The following FBXL2 variants were observed in gnomAD, a reference collection of about 807,000 sequenced individuals.
The protein encoded by FBXL2 is F-box/LRR-repeat protein 2.
FBXL2 carries 38 observed loss-of-function variants against 69.2 expected under a neutral mutation model. The ratio of observed to expected loss-of-function variants is 0.55; its 90% CI spans 0.42 to 0.72. The LOEUF is 0.72. FBXL2 is among the 30% of genes least tolerant of loss of function. FBXL2 has a pLI of 0.00. For synonymous variants in FBXL2, 192 were observed against 201.3 expected, an observed-to-expected ratio of 0.95 and a Z score of 0.39; for missense variants, 354 against 520.3, an observed-to-expected ratio of 0.68 and a Z score of 3.11.
chr3:33,295,541 A>G (rs1302102649), intron 1 of FBXL2, among the ~76,000 whole-genome samples: 4 of 152,342 alleles, frequency 2.6e-5, no homozygotes, highest in African/African-American at 7.2e-5. Context: ...TAATGCTGCT[A>G]TGAACATTCA....
At chr3:33,412,254 T>C in the FBXL2 span, among the ~76,000 whole-genome samples, 2 of 150,470 alleles carry the variant, frequency 1.3e-5, no homozygotes, top group African/African-American at 4.9e-5. Context: ...AAATTCCAGG[T>C]TCACATTAGT....
chr3:33,404,398 C>T (rs561994272), downstream of FBXL2, among the ~76,000 whole-genome samples: 6 of 151,010 alleles, frequency 4.0e-5, no homozygotes, highest in East Asian at 2.0e-4. Flanking sequence ...GGTGACAGAG[C>T]GAGATTCCAT....
chr3:33,333,278 A>G (rs1267112866), intron 2 of FBXL2, among the ~76,000 whole-genome samples: 3 of 152,220 alleles, frequency 2.0e-5, no homozygotes, highest in African/African-American at 7.2e-5. Flanking sequence ...ATTGATAATA[A>G]CTATGTCGAG....
chr3:33,281,664 G>T (rs1282673658), intron 1 of FBXL2, among the ~76,000 whole-genome samples: 1 of 152,174 alleles, frequency 6.6e-6, no homozygotes, highest in East Asian at 1.9e-4. Flanking sequence ...CACACGAACA[G>T]TGTAAAAGTG....
intron 2 of FBXL2, among the ~76,000 whole-genome samples, chr3:33,350,113 T>C (rs1014358787): frequency 6.6e-6 from 1 of 152,090 alleles, no homozygotes; most frequent in African/African-American, 2.4e-5. Flanking sequence ...AAGACCAACA[T>C]TTTTCATAAA....
chr3:33,359,753 C>T (rs757309082), intron 4 of FBXL2, among the ~76,000 whole-genome samples: 4 of 151,628 alleles, frequency 2.6e-5, no homozygotes, highest in Non-Finnish European at 5.9e-5. Flanking sequence ...AAGAGTGAGG[C>T]TGGAGATCTA....
intron 2 of FBXL2, among the ~76,000 whole-genome samples, chr3:33,325,825 G>T (rs1311119391): frequency 6.6e-6 from 1 of 151,934 alleles, no homozygotes. Flanking sequence ...TCATGAATTA[G>T]TAATAGAATA....
the FBXL2 span, among the ~76,000 whole-genome samples, chr3:33,422,655 G>A: frequency 6.6e-6 from 1 of 150,470 alleles, no homozygotes; most frequent in Admixed American, 6.7e-5. Flanking sequence ...AGCCTGGGAG[G>A]TCAAGGCTGC....
intron 2 of FBXL2, among the ~76,000 whole-genome samples, chr3:33,333,970 C>G (rs2039368140): frequency 6.6e-6 from 1 of 151,984 alleles, no homozygotes; most frequent in Admixed American, 6.6e-5. Flanking sequence ...TTGAGCCAAA[C>G]ACAGCTGATC....
intron 12 of FBXL2, chr3:33,393,189 C>T (rs1392682854): frequency 9.4e-7 from 1 of 1,061,464 alleles, no homozygotes; most frequent in African/African-American, 1.7e-5. Flanking sequence ...TGATTCCCAA[C>T]TCTCTGAAAA....
chr3:33,413,460 T>C, the FBXL2 span, among the ~76,000 whole-genome samples: 1 of 143,946 alleles, frequency 6.9e-6, no homozygotes, highest in Admixed American at 7.5e-5. Context: ...GGCAGAAGAA[T>C]GGTGTGAACC....
At chr3:33,312,921 G>A (rs2037338208) in intron 2 of FBXL2, among the ~76,000 whole-genome samples, 1 of 151,970 alleles carries the variant, frequency 6.6e-6, no homozygotes, top group African/African-American at 2.4e-5. Context: ...AGGAGTTTGA[G>A]ACCAGCCTGG....
At chr3:33,312,054 T>C (rs2037253371) in intron 2 of FBXL2, among the ~76,000 whole-genome samples, 1 of 152,192 alleles carries the variant, frequency 6.6e-6, no homozygotes, top group Admixed American at 6.6e-5. Context: ...CTATTTTTTA[T>C]TCTTTTTTTA....
the FBXL2 span, chr3:33,408,860 C>A: frequency 7.4e-7 from 1 of 1,360,160 alleles, no homozygotes; most frequent in South Asian, 1.2e-5. Flanking sequence ...ATCTAACACC[C>A]TGTTTCATGT....
intron 2 of FBXL2, among the ~76,000 whole-genome samples, chr3:33,319,697 A>G (rs1327726976): frequency 2.0e-5 from 3 of 152,230 alleles, no homozygotes; most frequent in African/African-American, 7.2e-5. Flanking sequence ...AAAAGAAGGT[A>G]TCATATTAAC....
downstream of FBXL2, among the ~76,000 whole-genome samples, chr3:33,406,588 G>C (rs2044433433): frequency 6.6e-6 from 1 of 152,214 alleles, no homozygotes; most frequent in African/African-American, 2.4e-5. Flanking sequence ...GCATGGCAGA[G>C]TAATGTAGAA....
chr3:33,353,975 C>G (rs2041012987), intron 2 of FBXL2, among the ~76,000 whole-genome samples: 1 of 152,114 alleles, frequency 6.6e-6, no homozygotes, highest in Admixed American at 6.5e-5. Context: ...GTAAACTATT[C>G]TATGTGATAC....
chr3:33,356,461 T>C (rs1425353838), intron 2 of FBXL2, among the ~76,000 whole-genome samples: 1 of 152,128 alleles, frequency 6.6e-6, no homozygotes, highest in Non-Finnish European at 1.5e-5. Context: ...GCGATTCTCC[T>C]GCCTCAGCCT....
intron 2 of FBXL2, among the ~76,000 whole-genome samples, chr3:33,304,734 G>A (rs1181712847): frequency 6.6e-6 from 1 of 151,994 alleles, no homozygotes; most frequent in Non-Finnish European, 1.5e-5. Context: ...TTTTTCCAAA[G>A]AGGTCTTACC....
Sources: allele counts gnomAD v4.1 joint callset (sites outside exome capture counted in the v4.1 genomes callset), GRCh38; gene constraint gnomAD v4.1.1; transcripts MANE v1.5; gene names NCBI Gene and HGNC (gene_info 2026-07-23, HGNC 2026-07-21).